Variants in ZNF208 observed in about 807,000 individuals in gnomAD.
ZNF208 encodes the protein zinc finger protein 95.
A neutral mutation model predicts 12.1 loss-of-function variants in ZNF208; 10 were observed. The ratio of observed to expected loss-of-function variants is 0.83; its 90% CI spans 0.51 to 1.40. The LOEUF is 1.40. ZNF208 is among the 40% of genes most tolerant of loss of function. The probability of loss-of-function intolerance (pLI) is 0.00; values close to 1 mark genes in which losing one functional copy is unlikely to be tolerated. For missense variants in ZNF208, 1,652 were observed against 1,485.0 expected, an observed-to-expected ratio of 1.11 and a Z score of -1.85; for synonymous variants, 497 against 488.4, an observed-to-expected ratio of 1.02 and a Z score of -0.23.
At chr19:21,940,576 C>T (rs150652573) in intron 4 of ZNF208, 2 of 152,184 alleles carry the variant, frequency 1.3e-5, no homozygotes, top group East Asian at 3.9e-4. Context: ...TACTCTCTCT[C>T]TCTATATATA....
chr19:21,959,191 T>C (rs557617580), intron 4 of ZNF208, among the ~76,000 whole-genome samples: 2 of 152,298 alleles, frequency 1.3e-5, no homozygotes, highest in South Asian at 4.1e-4. Context: ...TATTTAAATT[T>C]ATAAAGTAAA....
At chr19:22,004,592 A>AC (rs1370240065) in intron 1 of ZNF208, among the ~76,000 whole-genome samples, 3 of 152,156 alleles carry the variant, frequency 2.0e-5, no homozygotes, top group Non-Finnish European at 4.4e-5. Context: ...AACAACAACA[A>AC]AAAAAACAAG....
intron 1 of ZNF208, among the ~76,000 whole-genome samples, chr19:21,989,839 A>G (rs1175109180): frequency 1.3e-5 from 2 of 152,142 alleles, no homozygotes; most frequent in African/African-American, 4.8e-5. Context: ...GCCAGTGATG[A>G]TGAGCATTTT....
chr19:21,988,691 A>G (rs1179838253), intron 2 of ZNF208, 92 bp downstream of exon 2: 2 of 1,602,932 alleles, frequency 1.2e-6, no homozygotes, highest in Admixed American at 3.5e-5. Flanking sequence ...CTTTATTCTC[A>G]CATTCATCCT....
downstream of ZNF208, among the ~76,000 whole-genome samples, chr19:21,962,903 AT>A (rs1371394926): frequency 1.3e-5 from 2 of 152,160 alleles, no homozygotes; most frequent in Non-Finnish European, 2.9e-5. Flanking sequence ...AAATAAGGAT[AT>A]TGTAAATAAA....
At chr19:21,961,426 A>G (rs769694412), downstream of ZNF208, among the ~76,000 whole-genome samples, 7 of 152,122 alleles carry the variant, frequency 4.6e-5, no homozygotes, top group Non-Finnish European at 1.0e-4. Flanking sequence ...CACAAGGCAA[A>G]AGGCAAAATT....
At chr19:21,943,917 T>G (rs747137507) in intron 4 of ZNF208, among the ~76,000 whole-genome samples, 4 of 152,202 alleles carry the variant, frequency 2.6e-5, no homozygotes, top group Non-Finnish European at 4.4e-5. Flanking sequence ...CACAAAAGTA[T>G]TTGTTCCATA....
In ZNF208 at chr19:21,974,498, A is replaced by G. The variant is rs780498478; in HGVS notation, c.536T>C (p.Val179Ala). 6.2e-7 allele frequency: 1 copy of G among 1,613,694 alleles called. No individual in the cohort carries two copies. The highest frequency in any genetic ancestry group is 8.5e-7 in the Non-Finnish European group (1 of 1,179,718). ...GKKHLQCKEY[V>A]RSFCMLSHLS... is the part of the protein sequence containing the mutation. ...GTGTGAAAGCATGCAAAATGATCTG[A>G]CGTATTCTTTACATTGCAAATGTTT... Residue 179 changes from valine to alanine, a missense_variant, in exon 4 of 4, where the codon GTC (valine) becomes GCC (alanine). Transcript: ENST00000397126.
chr19:21,970,043 T>C lies in ZNF208; in HGVS notation c.*1148A>G, dbSNP rs116460038. On this transcript the variant is annotated 3_prime_UTR_variant, in exon 4 of 4. Coordinates refer to ENST00000397126, the MANE Select transcript of ZNF208 (RefSeq NM_007153.3). Reference sequence around the variant, plus strand: ...GTAGTTTTCTCCAGTATGAGTTATCTTACCTACAATCAAGTGTGACAGCCA... The same window carrying C: ...GTAGTTTTCTCCAGTATGAGTTATCCTACCTACAATCAAGTGTGACAGCCA... 1.7e-3 allele frequency among the ~76,000 whole-genome samples: 263 copies of C among 152,326 alleles called. No individual in the cohort carries two copies. Among genetic ancestry groups the C allele is most frequent in the African/African-American group, 6.1e-3 (255 of 41,582 alleles).
In ZNF208 at chr19:21,969,380, T is replaced by C. The variant is rs2188971; in HGVS notation, c.*1811A>G. 0.58 allele frequency among the ~76,000 whole-genome samples: 88,429 copies of C among 151,902 alleles called. 26,000 individuals carry two copies. The highest frequency in any genetic ancestry group is 0.69 in the East Asian group (3,565 of 5,158). Reference sequence around the variant, plus strand: ...TAAAGTTATATACAAATAATTCTTCTTTTTGCCAACTTTAGTTTTGGATTT... The same window carrying C: ...TAAAGTTATATACAAATAATTCTTCCTTTTGCCAACTTTAGTTTTGGATTT... On this transcript the variant is annotated 3_prime_UTR_variant, in exon 4 of 4. Transcript: ENST00000397126.
chr19:21,970,823 C>A lies in ZNF208; in HGVS notation c.*368G>T. On this transcript the variant is annotated 3_prime_UTR_variant, in exon 4 of 4. Transcript: ENST00000397126. Reference sequence around the variant, plus strand: ...TCTTATGTTTACTAAAGACTGAGAACCAGCTGAAGGCTTTGCCACTTTCTT... The same window carrying A: ...TCTTATGTTTACTAAAGACTGAGAAACAGCTGAAGGCTTTGCCACTTTCTT... 5 of 1,475,294 alleles carry A rather than the reference C, an allele frequency of 3.4e-6. No homozygotes were observed. In the South Asian group the frequency reaches 5.7e-5, roughly 17 times the overall value. The allele number at this position is 1,475,294 out of a possible 1,614,324, so 91.4% of individuals were successfully genotyped here.
chr19:21,954,668 TTGG>T (rs1969944269), intron 4 of ZNF208, among the ~76,000 whole-genome samples: 1 of 152,212 alleles, frequency 6.6e-6, no homozygotes, highest in Non-Finnish European at 1.5e-5. Flanking sequence ...CCTGCTTTTT[TTGG>T]TTTTCCATTT....
chr19:21,972,217 A>G lies in ZNF208; in HGVS notation c.2817T>C (p.His939=). 6.2e-7 allele frequency: 1 copy of G among 1,612,732 alleles called. No homozygotes were observed. Among genetic ancestry groups the G allele is most frequent in the Non-Finnish European group, 8.5e-7 (1 of 1,179,764 alleles). ...CACATTTGTAGAATTTCTCTCCAGC[A>G]TGAGTTTTCTTATGTTTACTAAAGA... ...LSVFSKHKKT[H]AGEKFYKCEA... The change falls in exon 4 of 4, where the codon CAT becomes CAC. Residue 939 remains histidine (H), a synonymous_variant. Coordinates refer to ENST00000397126, the MANE Select transcript of ZNF208 (RefSeq NM_007153.3).
At chr19:21,947,050 G>A (rs1204833175) in intron 4 of ZNF208, among the ~76,000 whole-genome samples, 1 of 151,040 alleles carries the variant, frequency 6.6e-6, no homozygotes, top group East Asian at 1.9e-4. Context: ...TACAGCCTAT[G>A]GATATAATCA....
At position 21,969,028 on chromosome 19, in the gene ZNF208, C is replaced by A. The variant is rs1426627828; in HGVS notation, c.*2163G>T. On this transcript the variant is annotated 3_prime_UTR_variant, in exon 4 of 4. Coordinates refer to ENST00000397126, the MANE Select transcript of ZNF208 (RefSeq NM_007153.3). ...TGAAACCCCATCTGTACTAAAAATA[C>A]AAAAAATTAGCTGGGAGTGGCGGCG... 6.6e-6 allele frequency among the ~76,000 whole-genome samples: 1 copy of A among 151,984 alleles called. No homozygotes were observed. Among genetic ancestry groups the A allele is most frequent in the East Asian group, 1.9e-4 (1 of 5,176 alleles).
rs1344134502 is a variant in ZNF208 at position 21,972,865 on chromosome 19, A to G, written c.2169T>C (p.Cys723=). 1 of 1,613,098 alleles carries G rather than the reference A, an allele frequency of 6.2e-7. No individual in the cohort carries two copies. The highest frequency in any genetic ancestry group is 1.3e-5 in the African/African-American group (1 of 74,904). ...TACTAAAGCTTTTGCCACATTCTTC[A>G]CATTTGTAGGGTTTCTCTCCAGTAT... ...RIHTGEKPYK[C]EECGKSFSTF... Residue 723 remains cysteine, a synonymous_variant, in exon 4 of 4, where the codon TGT becomes TGC. Transcript: ENST00000397126.
chr19:22,004,250 C>T (rs1188515429), intron 1 of ZNF208, among the ~76,000 whole-genome samples: 1 of 152,058 alleles, frequency 6.6e-6, no homozygotes, highest in African/African-American at 2.4e-5. Flanking sequence ...GGTATGGTGG[C>T]TCACACTTGT....
At position 21,988,878 on chromosome 19, in the gene ZNF208, T is replaced by G; in HGVS notation, c.35A>C (p.Glu12Ala). 6.2e-7 allele frequency: 1 copy of G among 1,614,104 alleles called. No homozygotes were observed. Among genetic ancestry groups the G allele is most frequent in the Non-Finnish European group, 8.5e-7 (1 of 1,179,966 alleles). ...GCATTGCCACTCCTCCAGAGAGAAT[T>G]CTATGGCCACATCCCTAAATGTCAA... ...GSLTFRDVAI[E>A]FSLEEWQCLD... Residue 12 changes from glutamate (E) to alanine (A), a missense_variant, in exon 2 of 4, where the codon GAA becomes GCA. This residue lies in a region of ZNF208 where 410 missense variants were observed against 378.2 expected (regional missense o/e 1.08). Transcript: ENST00000397126.
At chr19:22,002,977 C>T (rs988489246) in intron 1 of ZNF208, among the ~76,000 whole-genome samples, 4 of 152,250 alleles carry the variant, frequency 2.6e-5, no homozygotes, top group African/African-American at 9.6e-5. Context: ...AACAAAGCAA[C>T]ATGGTACTGG....
Sources: allele counts gnomAD v4.1 joint callset (sites outside exome capture counted in the v4.1 genomes callset), GRCh38; gene constraint gnomAD v4.1.1; regional missense constraint gnomAD v4.1.1; transcripts MANE v1.5; gene names NCBI Gene and HGNC (gene_info 2026-07-23, HGNC 2026-07-21).